CNTN5: variants seen among roughly 807,000 people sequenced by gnomAD.
The protein encoded by CNTN5 is contactin-5.
Under a neutral mutation model 129.1 loss-of-function variants are expected in CNTN5, and 77 were observed. The ratio of observed to expected loss-of-function variants is 0.60; its 90% confidence interval spans 0.50 to 0.72. CNTN5 has a LOEUF of 0.72. Ranked by LOEUF, CNTN5 falls within the 30% of genes least tolerant of loss-of-function variation. CNTN5 has a pLI of 0.00. For missense variants in CNTN5, 1,478 were observed against 1,328.8 expected (o/e 1.11, Z -1.75); for synonymous variants, 509 against 465.6 (o/e 1.09, Z -1.20).
intron 9 of CNTN5, among the ~76,000 whole-genome samples, chr11:100,010,373 C>A (rs748779774): frequency 2.6e-5 from 4 of 152,026 alleles, no homozygotes; most frequent in Admixed American, 2.6e-4. Flanking sequence ...AGATGTACCC[C>A]TAGGACCAAG....
At chr11:99,838,496 A>T (rs2135659377) in intron 4 of CNTN5, among the ~76,000 whole-genome samples, 1 of 152,290 alleles carries the variant, frequency 6.6e-6, no homozygotes, top group African/African-American at 2.4e-5. Flanking sequence ...AATCCTCAAA[A>T]CTTAGCAATT....
At chr11:99,599,677 T>A (rs182138647) in intron 3 of CNTN5, among the ~76,000 whole-genome samples, 23 of 152,276 alleles carry the variant, frequency 1.5e-4, no homozygotes, top group Admixed American at 1.0e-3. Context: ...ACCAAATTCT[T>A]TGTGCAAATG....
At chr11:99,580,882 T>G (rs1160767731) in intron 3 of CNTN5, among the ~76,000 whole-genome samples, 2 of 133,356 alleles carry the variant, frequency 1.5e-5, no homozygotes, top group Non-Finnish European at 3.2e-5. Context: ...AGCTTTTGAA[T>G]GTGTTTGCTC....
At chr11:99,823,685 ATATT>A (rs1286395742) in intron 4 of CNTN5, among the ~76,000 whole-genome samples, 1 of 151,942 alleles carries the variant, frequency 6.6e-6, no homozygotes, top group Non-Finnish European at 1.5e-5. Context: ...TTGTGACTAT[ATATT>A]AAGTTTATTA....
chr11:99,338,301 C>A (rs1479493790), intron 2 of CNTN5, among the ~76,000 whole-genome samples: 1 of 152,086 alleles, frequency 6.6e-6, no homozygotes, highest in Non-Finnish European at 1.5e-5. Context: ...CATAAAACTG[C>A]TTTTATTGAA....
At chr11:100,280,867 C>T (rs1950620759) in intron 18 of CNTN5, among the ~76,000 whole-genome samples, 1 of 151,714 alleles carries the variant, frequency 6.6e-6, no homozygotes, top group South Asian at 2.1e-4. Flanking sequence ...TTGAGGTTAC[C>T]ACGAGGTTTG....
intron 3 of CNTN5, among the ~76,000 whole-genome samples, chr11:99,584,313 C>T (rs955718276): frequency 2.0e-5 from 3 of 152,154 alleles, no homozygotes; most frequent in African/African-American, 7.2e-5. Flanking sequence ...CCTAGCTCAC[C>T]ATACTTATTC....
chr11:100,073,463 A>G (rs939159041), intron 12 of CNTN5, among the ~76,000 whole-genome samples: 3 of 151,574 alleles, frequency 2.0e-5, no homozygotes, highest in Non-Finnish European at 4.4e-5. Flanking sequence ...AATATGAAAT[A>G]CATATAATAT....
At chr11:99,322,456 T>C (rs762438458) in intron 1 of CNTN5, among the ~76,000 whole-genome samples, 1 of 152,188 alleles carries the variant, frequency 6.6e-6, no homozygotes. Flanking sequence ...GATTTTAACA[T>C]GAATAGAAGC....
At chr11:99,257,168 C>A (rs578163871) in intron 1 of CNTN5, among the ~76,000 whole-genome samples, 3 of 152,172 alleles carry the variant, frequency 2.0e-5, no homozygotes, top group African/African-American at 7.2e-5. Flanking sequence ...AAATTTATTT[C>A]CATTCTCTAT....
At chr11:99,290,767 T>G (rs967655888) in intron 1 of CNTN5, among the ~76,000 whole-genome samples, 5 of 151,854 alleles carry the variant, frequency 3.3e-5, no homozygotes, top group Admixed American at 3.3e-4. Flanking sequence ...TCTTGTTATA[T>G]TTCATATTTA....
intron 1 of CNTN5, among the ~76,000 whole-genome samples, chr11:99,291,622 G>C (rs910595470): frequency 3.3e-5 from 5 of 151,950 alleles, no homozygotes; most frequent in Non-Finnish European, 5.9e-5. Flanking sequence ...ATAACTTATA[G>C]CTATACATCG....
intron 17 of CNTN5, among the ~76,000 whole-genome samples, chr11:100,267,493 G>C (rs1280862703): frequency 2.0e-5 from 3 of 152,132 alleles, no homozygotes; most frequent in African/African-American, 4.8e-5. Context: ...ATTTGAAATA[G>C]AGTGGTCAGG....
intron 13 of CNTN5, among the ~76,000 whole-genome samples, chr11:100,155,871 C>T (rs1947224196): frequency 6.6e-6 from 1 of 152,090 alleles, no homozygotes. Context: ...TGAGACTTTG[C>T]TGAAGTTGCT....
chr11:99,226,040 A>C (rs1237531440), intron 1 of CNTN5, among the ~76,000 whole-genome samples: 2 of 152,202 alleles, frequency 1.3e-5, no homozygotes, highest in Non-Finnish European at 2.9e-5. Context: ...CGTACAAATA[A>C]GTATATTTTA....
chr11:99,997,382 T>G lies in CNTN5; in HGVS notation c.878-4652T>G, dbSNP rs533911228. On this transcript the variant is annotated intron_variant, in intron 8 of 24. Transcript: ENST00000524871. The stretch of plus-strand genomic sequence containing the variant: ...TCAGAGAATACTACAAACACCTCTA[T>G]GCAAATAAACTAGAAAATCTAGAAG... Among the ~76,000 whole-genome samples the G allele has an allele frequency of 2.0e-5, 3 of 152,106 alleles. No homozygotes were observed. In the East Asian group the frequency reaches 5.8e-4, roughly 29 times the overall value.
chr11:99,353,739 C>T (rs903300759), intron 2 of CNTN5, among the ~76,000 whole-genome samples: 1 of 152,178 alleles, frequency 6.6e-6, no homozygotes, highest in African/African-American at 2.4e-5. Flanking sequence ...GTTAATTTCT[C>T]TGCTGTGCAT....
At chr11:99,913,628 G>A (rs993655763) in intron 6 of CNTN5, among the ~76,000 whole-genome samples, 2 of 151,992 alleles carry the variant, frequency 1.3e-5, no homozygotes, top group East Asian at 3.9e-4. Context: ...TGGGTCATTG[G>A]GATCTCAAAA....
Position 99,073,557 on chromosome 11 carries a change from A to C in CNTN5, c.-210+52287A>C, listed in dbSNP as rs181558769. 2.6e-3 allele frequency among the ~76,000 whole-genome samples: 395 copies of C among 150,798 alleles called. 1 individual carries two copies. The highest frequency in any genetic ancestry group is 0.01 in the Admixed American group (158 of 15,122). On this transcript the variant is annotated intron_variant, in intron 1 of 24. Transcript: ENST00000524871. ...ATGCTTTCCCTCCCCTTGTCCCCCC[A>C]TCCCCTGACAGGCCATGGTATATGA...
Sources: allele counts gnomAD v4.1 joint callset (sites outside exome capture counted in the v4.1 genomes callset), GRCh38; gene constraint gnomAD v4.1.1; transcripts MANE v1.5; gene names NCBI Gene and HGNC (gene_info 2026-07-23, HGNC 2026-07-21).